CLASP2: variants seen among roughly 807,000 people sequenced by gnomAD.
The protein encoded by CLASP2 is cytoplasmic linker associated protein 2, also known as CLIP-associating protein 2.
CLASP2 carries 47 observed loss-of-function variants against 194.4 expected under a neutral mutation model. The ratio of observed to expected loss-of-function variants is 0.24; its 90% CI spans 0.19 to 0.31. The LOEUF (loss-of-function observed/expected upper bound fraction) is 0.31, where lower values mean the gene tolerates loss of function less well. Ranked by LOEUF, CLASP2 falls within the 10% of genes least tolerant of loss-of-function variation. CLASP2 has a pLI of 1.00. For synonymous variants in CLASP2, 619 were observed against 633.5 expected, an observed-to-expected ratio of 0.98 and a Z score of 0.34; for missense variants, 1,445 against 1,823.6, an observed-to-expected ratio of 0.79 and a Z score of 3.78.
intron 1 of CLASP2, among the ~76,000 whole-genome samples, chr3:33,705,707 T>C (rs184632077): frequency 6.6e-6 from 1 of 152,228 alleles, no homozygotes; most frequent in East Asian, 1.9e-4. Context: ...TGAAAAGACA[T>C]GCAAAAATTA....
At chr3:33,505,869 CATA>C (rs2048028626) in intron 37 of CLASP2, among the ~76,000 whole-genome samples, 1 of 151,798 alleles carries the variant, frequency 6.6e-6, no homozygotes, top group Admixed American at 6.6e-5. Context: ...GCCTAAGCAA[CATA>C]ATAAGACACT....
At chr3:33,566,991 C>A (rs922355777) in intron 26 of CLASP2, among the ~76,000 whole-genome samples, 2 of 152,136 alleles carry the variant, frequency 1.3e-5, no homozygotes, top group African/African-American at 4.8e-5. Flanking sequence ...ATTAAGAAAA[C>A]TAAAGACAAA....
chr3:33,515,917 A>C, intron 36 of CLASP2, 106 bp downstream of exon 36: 1 of 1,156,684 alleles, frequency 8.6e-7, no homozygotes, highest in Non-Finnish European at 1.2e-6. Context: ...CTGAATGTCA[A>C]GGCAAATGTT....
intron 2 of CLASP2, among the ~76,000 whole-genome samples, chr3:33,692,566 TTAC>T (rs1453759206): frequency 6.6e-6 from 1 of 152,198 alleles, no homozygotes; most frequent in Non-Finnish European, 1.5e-5. Context: ...ACTCTACCAG[TTAC>T]TAATTACAAA....
At chr3:33,617,047 T>C (rs2076310874) in intron 12 of CLASP2, among the ~76,000 whole-genome samples, 1 of 150,880 alleles carries the variant, frequency 6.6e-6, no homozygotes, top group Admixed American at 6.6e-5. Context: ...TTTCTAACAT[T>C]GTTACAAAGG....
intron 32 of CLASP2, among the ~76,000 whole-genome samples, chr3:33,539,285 A>G (rs2057919042): frequency 6.6e-6 from 1 of 152,232 alleles, no homozygotes; most frequent in African/African-American, 2.4e-5. Context: ...AAAAAACAAA[A>G]AAAATCATGA....
At chr3:33,645,152 C>T (rs2082070022) in intron 7 of CLASP2, 1 of 723,110 alleles carries the variant, frequency 1.4e-6, no homozygotes, top group South Asian at 1.5e-5. Context: ...AAACATAAAA[C>T]ATTTTAACTC....
chr3:33,641,877 CATCT>C (rs1229010332), intron 8 of CLASP2, among the ~76,000 whole-genome samples: 1 of 151,768 alleles, frequency 6.6e-6, no homozygotes, highest in African/African-American at 2.4e-5. Context: ...AAGCTAATCA[CATCT>C]ATCTATTTAT....
intron 34 of CLASP2, among the ~76,000 whole-genome samples, chr3:33,526,032 G>A (rs910225120): frequency 9.2e-5 from 14 of 151,402 alleles, no homozygotes; most frequent in Non-Finnish European, 1.8e-4. Context: ...GATTCCTCCA[G>A]CATAGCTGCT....
intron 1 of CLASP2, among the ~76,000 whole-genome samples, chr3:33,706,622 T>C (rs1357108405): frequency 6.6e-6 from 1 of 152,168 alleles, no homozygotes; most frequent in East Asian, 1.9e-4. Flanking sequence ...TAAATCTGAA[T>C]TAGAAATATC....
chr3:33,654,595 C>T (rs540563886), intron 7 of CLASP2, among the ~76,000 whole-genome samples: 7 of 151,890 alleles, frequency 4.6e-5, no homozygotes, highest in African/African-American at 1.4e-4. Context: ...GAAAACTTCC[C>T]AGAGCTAAAG....
In CLASP2 at chr3:33,619,666, G is replaced by A. The variant is rs373712683; in HGVS notation, c.1254C>T (p.Leu418=). 542 of 1,561,864 alleles carry A rather than the reference G, an allele frequency of 3.5e-4. 3 individuals carry two copies. The highest frequency in any genetic ancestry group is 2.8e-3 in the Middle Eastern group (17 of 6,002). ...CCATGACTTTTGCACTATTGGGGAC[G>A]AGATTAAAAAGTGTAGGTACAATGG... ...AEAIVPTLFN[L]VPNSAKVMAT... The change falls in exon 12 of 39, where the codon CTC becomes CTT. Residue 418 remains leucine, a synonymous_variant. Coordinates refer to ENST00000682230, the MANE Select transcript of CLASP2 (RefSeq NM_001365631.1).
At chr3:33,529,846 C>T (rs893559278) in intron 34 of CLASP2, among the ~76,000 whole-genome samples, 36 of 151,850 alleles carry the variant, frequency 2.4e-4, no homozygotes, top group African/African-American at 6.3e-4. Flanking sequence ...GGCGCAGTGG[C>T]GGGCGCCTGT....
intron 5 of CLASP2, among the ~76,000 whole-genome samples, chr3:33,685,342 C>CAAAAAAAAAAAAA (rs56240569): frequency 2.1e-5 from 1 of 48,148 alleles, no homozygotes; most frequent in Non-Finnish European, 3.9e-5. Context: ...AACTCCGTCT[C>CAAAAAAAAAAAAA]AAAAAAAAAA....
intron 37 of CLASP2, 53 bp downstream of exon 37, chr3:33,510,505 A>T: frequency 1.3e-6 from 2 of 1,536,338 alleles, no homozygotes; most frequent in Non-Finnish European, 1.8e-6. Context: ...TACCTAAAAT[A>T]ACTGTATCCC....
chr3:33,517,283 G>A, intron 34 of CLASP2, 109 bp from the exon 35 acceptor site: 1 of 834,196 alleles, frequency 1.2e-6, no homozygotes, highest in East Asian at 3.1e-5. Context: ...CATGTTTGCT[G>A]TAAAAAAGAC....
intron 11 of CLASP2, among the ~76,000 whole-genome samples, chr3:33,620,859 T>A (rs575556480): frequency 2.1e-4 from 32 of 152,304 alleles, no homozygotes; most frequent in African/African-American, 7.5e-4. Flanking sequence ...CCTACCCCTA[T>A]ATGAGCTCTG....
At chr3:33,527,049 C>A (rs1332404023) in intron 34 of CLASP2, among the ~76,000 whole-genome samples, 4 of 152,094 alleles carry the variant, frequency 2.6e-5, no homozygotes, top group African/African-American at 9.7e-5. Flanking sequence ...AACAACCTAA[C>A]TTCATAACTG....
At chr3:33,583,565 G>C (rs899243359) in intron 22 of CLASP2, among the ~76,000 whole-genome samples, 6 of 152,144 alleles carry the variant, frequency 3.9e-5, no homozygotes, top group Non-Finnish European at 8.8e-5. Flanking sequence ...TATGGAACAA[G>C]TACATAAGAC....
Sources: gnomAD v4.1 joint callset for allele counts (sites outside exome capture counted in the v4.1 genomes callset) on GRCh38, gnomAD v4.1.1 for gene constraint, MANE v1.5 for transcripts, NCBI Gene and HGNC (gene_info 2026-07-23, HGNC 2026-07-21) for gene names.